Variants in TASP1 observed in about 807,000 individuals in gnomAD.
TASP1 encodes the protein threonine aspartase 1.
TASP1 carries 16 observed loss-of-function variants against 56.6 expected under a neutral mutation model. The observed-to-expected ratio is 0.28, with a 90% CI of 0.19 to 0.43. The LOEUF (loss-of-function observed/expected upper bound fraction) is 0.43, where lower values mean the gene tolerates loss of function less well. Among genes scored for constraint, TASP1 ranks in the 20% least tolerant of loss-of-function variants. The pLI is 1.00. For missense variants in TASP1, 393 were observed against 511.6 expected, an observed-to-expected ratio of 0.77 and a Z score of 2.24; for synonymous variants, 179 against 184.2, an observed-to-expected ratio of 0.97 and a Z score of 0.23.
chr20:13,633,687 T>C (rs1350655676), intron 1 of TASP1, among the ~76,000 whole-genome samples: 2 of 152,198 alleles, frequency 1.3e-5, no homozygotes, highest in Admixed American at 1.3e-4. Context: ...TACAAATCAT[T>C]ATGTGAAACT....
intron 2 of TASP1, among the ~76,000 whole-genome samples, chr20:13,628,082 GAGTC>G (rs1434551758): frequency 2.0e-5 from 3 of 152,170 alleles, no homozygotes; most frequent in African/African-American, 4.8e-5. Flanking sequence ...CATTTGTTTG[GAGTC>G]AGTGTTTCCC....
chr20:13,134,085 C>A, the TASP1 span, among the ~76,000 whole-genome samples: 1 of 152,212 alleles, frequency 6.6e-6, no homozygotes. Flanking sequence ...AATGCTTAAA[C>A]TGTCACGGTC....
intron 13 of TASP1, among the ~76,000 whole-genome samples, chr20:13,401,888 T>C (rs2041751271): frequency 6.6e-6 from 1 of 152,252 alleles, no homozygotes; most frequent in South Asian, 2.1e-4. Context: ...TGTTGGGTAC[T>C]AGAAGGTAAC....
chr20:13,334,603 A>G, the TASP1 span, among the ~76,000 whole-genome samples: 3 of 152,336 alleles, frequency 2.0e-5, no homozygotes, highest in African/African-American at 7.2e-5. Context: ...TTAAATAAGT[A>G]CACATAGGCT....
chr20:13,203,297 A>G, the TASP1 span, among the ~76,000 whole-genome samples: 18 of 152,224 alleles, frequency 1.2e-4, no homozygotes, highest in African/African-American at 4.3e-4. Context: ...TGCAGCACAG[A>G]GAAGATTATA....
intron 8 of TASP1, among the ~76,000 whole-genome samples, chr20:13,537,740 A>T (rs913493756): frequency 6.6e-6 from 1 of 152,230 alleles, no homozygotes; most frequent in African/African-American, 2.4e-5. Flanking sequence ...GCATGTATAT[A>T]AAGTTAGCAT....
chr20:13,617,019 G>A, intron 4 of TASP1: 1 of 454,490 alleles, frequency 2.2e-6, no homozygotes, highest in South Asian at 1.6e-5. Context: ...CCCTTGTTCA[G>A]AAGGTGGAAA....
intron 8 of TASP1, among the ~76,000 whole-genome samples, chr20:13,537,005 T>G (rs908481086): frequency 6.6e-6 from 1 of 152,120 alleles, no homozygotes; most frequent in Admixed American, 6.5e-5. Context: ...TATTTTTCAT[T>G]AGCTCTTTTT....
chr20:13,392,644 C>T (rs912915060), intron 13 of TASP1: 7 of 417,592 alleles, frequency 1.7e-5, no homozygotes, highest in Non-Finnish European at 2.3e-5. Flanking sequence ...AAGAGACAGC[C>T]GCATCTTCTC....
the TASP1 span, among the ~76,000 whole-genome samples, chr20:13,178,368 T>C: frequency 2.0e-5 from 3 of 151,950 alleles, no homozygotes; most frequent in Admixed American, 1.3e-4. Flanking sequence ...AAACCTCAAA[T>C]AGAACTAACA....
rs1047090838 is a variant in TASP1 at position 13,457,692 on chromosome 20, A to G, written c.986-22538T>C. On this transcript the variant is annotated intron_variant, in intron 11 of 13. Transcript: ENST00000337743. ...ATTAATCATCTGTGATAAGGCTGCA[A>G]TGTCACTCTTAAGAATTCTGGGAAC... Among the ~76,000 whole-genome samples, 15 of 152,244 alleles carry G rather than the reference A, an allele frequency of 9.9e-5. 1 individual carries two copies. The highest frequency in any genetic ancestry group is 3.6e-4 in the African/African-American group (15 of 41,554).
intron 10 of TASP1, among the ~76,000 whole-genome samples, chr20:13,524,558 A>G (rs2044897758): frequency 6.6e-6 from 1 of 152,180 alleles, no homozygotes; most frequent in Non-Finnish European, 1.5e-5. Flanking sequence ...ACACAAATAT[A>G]CCCACAGCCC....
At chr20:13,547,094 T>C (rs2045834909) in intron 8 of TASP1, among the ~76,000 whole-genome samples, 1 of 152,212 alleles carries the variant, frequency 6.6e-6, no homozygotes, top group Non-Finnish European at 1.5e-5. Context: ...CTTAAATTAG[T>C]AATGTCAACT....
intron 4 of TASP1, among the ~76,000 whole-genome samples, chr20:13,618,317 G>A (rs2048593362): frequency 6.6e-6 from 1 of 152,108 alleles, no homozygotes; most frequent in South Asian, 2.1e-4. Context: ...GGAGGCTGAG[G>A]CATGAGAATC....
rs894037867 is a variant in TASP1 at position 13,555,482 on chromosome 20, T to C, written c.675+3526A>G. On this transcript the variant is annotated intron_variant, in intron 8 of 13. Coordinates refer to ENST00000337743, the MANE Select transcript of TASP1 (RefSeq NM_017714.3). ...TAGATTCCATCTAAATAAATCACTT[T>C]TTTTATTTATCCACAAGCAGCAACT... 2.6e-5 allele frequency among the ~76,000 whole-genome samples: 4 copies of C among 152,128 alleles called. No individual in the cohort carries two copies. In the East Asian group the frequency reaches 7.7e-4, roughly 29 times the overall value.
intron 10 of TASP1, among the ~76,000 whole-genome samples, chr20:13,488,415 C>T (rs1000992087): frequency 6.6e-6 from 1 of 152,034 alleles, no homozygotes; most frequent in African/African-American, 2.4e-5. Flanking sequence ...CTTAAAGATG[C>T]TATGGCAAAA....
intron 7 of TASP1, among the ~76,000 whole-genome samples, chr20:13,568,523 CTT>C (rs1230504707): frequency 6.6e-6 from 1 of 152,068 alleles, no homozygotes; most frequent in Non-Finnish European, 1.5e-5. Context: ...ATTTTTCACT[CTT>C]TTAAAGTCAT....
chr20:13,156,329 C>T, the TASP1 span, among the ~76,000 whole-genome samples: 2 of 152,122 alleles, frequency 1.3e-5, no homozygotes, highest in African/African-American at 4.8e-5. Flanking sequence ...AATGAACCAA[C>T]CCAATGAGAA....
At chr20:13,228,965 C>T in the TASP1 span, among the ~76,000 whole-genome samples, 27 of 152,240 alleles carry the variant, frequency 1.8e-4, no homozygotes, top group African/African-American at 6.5e-4. Flanking sequence ...AAATGTCAAA[C>T]TCAACCACTC....
Sources: gnomAD v4.1 joint callset for allele counts (sites outside exome capture counted in the v4.1 genomes callset) on GRCh38, gnomAD v4.1.1 for gene constraint, MANE v1.5 for transcripts, NCBI Gene and HGNC (gene_info 2026-07-23, HGNC 2026-07-21) for gene names.